Variants in FAM193A observed in about 807,000 individuals in gnomAD.
FAM193A encodes the protein family with sequence similarity 193 member A, also known as protein FAM193A.
A neutral mutation model predicts 126.5 loss-of-function variants in FAM193A; 22 were observed. That is an observed-to-expected ratio of 0.17 (90% CI 0.12 to 0.25). The LOEUF (loss-of-function observed/expected upper bound fraction) is 0.25, where lower values mean the gene tolerates loss of function less well. Among genes scored for constraint, FAM193A ranks in the 10% least tolerant of loss-of-function variants. The probability of loss-of-function intolerance (pLI) is 1.00; values close to 1 mark genes in which losing one functional copy is unlikely to be tolerated. For synonymous variants in FAM193A, 761 were observed against 646.8 expected, an observed-to-expected ratio of 1.18 and a Z score of -2.68; for missense variants, 1,675 against 1,672.8, an observed-to-expected ratio of 1.00 and a Z score of -0.02.
chr4:2,706,558 AGT>A (rs1305287199), intron 19 of FAM193A, among the ~76,000 whole-genome samples: 1 of 152,008 alleles, frequency 6.6e-6, no homozygotes, highest in Non-Finnish European at 1.5e-5. Context: ...GGCCTCCCAA[AGT>A]CCTGGGATTA....
At chr4:2,699,446 C>CCACACACA (rs78563573) in intron 18 of FAM193A, among the ~76,000 whole-genome samples, 1 of 103,478 alleles carries the variant, frequency 9.7e-6, no homozygotes, top group African/African-American at 3.5e-5. Flanking sequence ...ACCCCCCCCC[C>CCACACACA]CACACACACA....
chr4:2,597,620 A>C (rs1050717583), intron 2 of FAM193A, among the ~76,000 whole-genome samples: 1 of 152,030 alleles, frequency 6.6e-6, no homozygotes, highest in Non-Finnish European at 1.5e-5. Context: ...CAGATGAGCC[A>C]TTCTCTCCTC....
At chr4:2,559,576 G>A (rs947562916) in intron 1 of FAM193A, among the ~76,000 whole-genome samples, 2 of 152,128 alleles carry the variant, frequency 1.3e-5, no homozygotes, top group Non-Finnish European at 2.9e-5. Flanking sequence ...GATTACAGGC[G>A]TGAGCCACTT....
At chr4:2,553,549 T>G (rs1210865382) in intron 1 of FAM193A, among the ~76,000 whole-genome samples, 1 of 151,862 alleles carries the variant, frequency 6.6e-6, no homozygotes, top group Non-Finnish European at 1.5e-5. Context: ...CCTGGCTAAT[T>G]TTTGTATTTT....
At chr4:2,662,770 A>C in intron 10 of FAM193A, 68 bp from the exon 11 acceptor site, 1 of 1,215,964 alleles carries the variant, frequency 8.2e-7, no homozygotes, top group African/African-American at 1.5e-5. Flanking sequence ...ATCTGTGCTT[A>C]GTGGCTGGTT....
chr4:2,541,474 T>C (rs1397532276), intron 1 of FAM193A, among the ~76,000 whole-genome samples: 1 of 145,964 alleles, frequency 6.9e-6, no homozygotes. Context: ...TGAGACAGAG[T>C]CTCGCTCTGT....
intron 19 of FAM193A, among the ~76,000 whole-genome samples, chr4:2,714,457 T>C (rs1719328945): frequency 1.3e-5 from 2 of 151,088 alleles, no homozygotes; most frequent in Admixed American, 6.6e-5. Context: ...TTACCAAAGG[T>C]TGACTTTCCC....
At chr4:2,538,530 G>A (rs1019988622) in intron 1 of FAM193A, among the ~76,000 whole-genome samples, 1 of 151,982 alleles carries the variant, frequency 6.6e-6, no homozygotes, top group Non-Finnish European at 1.5e-5. Context: ...TAGGGTCTTG[G>A]GCTGTAGTCC....
intron 13 of FAM193A, among the ~76,000 whole-genome samples, chr4:2,679,668 G>A (rs1327772583): frequency 2.0e-5 from 3 of 152,040 alleles, no homozygotes; most frequent in African/African-American, 7.2e-5. Flanking sequence ...GTGAGCCACC[G>A]CGCCCGACCC....
At chr4:2,724,798 C>T (rs759718950) in intron 20 of FAM193A, among the ~76,000 whole-genome samples, 1 of 152,142 alleles carries the variant, frequency 6.6e-6, no homozygotes, top group African/African-American at 2.4e-5. Flanking sequence ...AACAGAAAAG[C>T]GGGCTGAGAA....
intron 16 of FAM193A, among the ~76,000 whole-genome samples, chr4:2,694,084 G>A (rs1056355284): frequency 7.2e-5 from 11 of 152,340 alleles, no homozygotes; most frequent in East Asian, 3.9e-4. Flanking sequence ...AGCAGGGGCC[G>A]TGGGCCGCCA....
chr4:2,591,516 C>T (rs993325727), intron 1 of FAM193A, among the ~76,000 whole-genome samples: 2 of 152,218 alleles, frequency 1.3e-5, no homozygotes, highest in African/African-American at 2.4e-5. Context: ...GTCACCAGCA[C>T]GGGGCCTTTG....
At chr4:2,550,427 C>T (rs552491972) in intron 1 of FAM193A, among the ~76,000 whole-genome samples, 4 of 151,652 alleles carry the variant, frequency 2.6e-5, no homozygotes, top group East Asian at 3.9e-4. Context: ...CCCTCTTGGT[C>T]GTTTGTTTGT....
Position 2,732,239 on chromosome 4 carries a change from C to T in FAM193A, c.*371C>T, listed in dbSNP as rs1395824461. The T allele has an allele frequency of 3.2e-5, 8 of 251,706 alleles. No homozygotes were observed. The highest frequency in any genetic ancestry group is 1.6e-4 in the African/African-American group (7 of 44,706). 15.6% of individuals were successfully genotyped at this position (251,706 alleles called of 1,614,324 possible). The stretch of plus-strand genomic sequence containing the variant: ...CTGTCATGTGTCCTCACCGGGGTAT[C>T]GGCCGTCACTCAGCTCTCCTGTGCC... On this transcript the variant is annotated 3_prime_UTR_variant, in exon 21 of 21. Transcript: ENST00000637812.
chr4:2,553,464 T>G (rs1738070253), intron 1 of FAM193A, among the ~76,000 whole-genome samples: 1 of 144,356 alleles, frequency 6.9e-6, no homozygotes, highest in Non-Finnish European at 1.5e-5. Context: ...CACCGCAACC[T>G]CTGCCTCCCG....
chr4:2,597,260 C>G (rs1413417170), intron 2 of FAM193A, among the ~76,000 whole-genome samples: 2 of 152,212 alleles, frequency 1.3e-5, no homozygotes, highest in Non-Finnish European at 2.9e-5. Flanking sequence ...ATGTATTTTA[C>G]TTACTCATTT....
chr4:2,544,176 A>G (rs1019437588), intron 1 of FAM193A, among the ~76,000 whole-genome samples: 1 of 152,200 alleles, frequency 6.6e-6, no homozygotes, highest in Non-Finnish European at 1.5e-5. Context: ...AATGGTTACC[A>G]TACACGCTTT....
rs769544366 is a variant in FAM193A at position 2,659,610 on chromosome 4, G to A, written c.1442G>A (p.Arg481Lys). ...GAGAACAACTTCACAGACACCATGA[G>A]GCACATGTTATCGTCCCGGCTGAGC... ...TGENNFTDTM[R>K]HMLSSRLSMP... Residue 481 changes from arginine (R) to lysine (K), a missense_variant, in exon 9 of 21, where the codon AGG becomes AAG. This residue lies in a region of FAM193A where 1,186 missense variants were observed against 1,109.2 expected (regional missense o/e 1.07). Coordinates refer to ENST00000637812, the MANE Select transcript of FAM193A (RefSeq NM_001366318.2). 21 of 1,614,034 alleles carry A rather than the reference G, an allele frequency of 1.3e-5. No homozygotes were observed. Among genetic ancestry groups the A allele is most frequent in the Non-Finnish European group, 1.8e-5 (21 of 1,180,038 alleles).
At chr4:2,555,908 GTT>G (rs34976046) in intron 1 of FAM193A, among the ~76,000 whole-genome samples, 2 of 140,392 alleles carry the variant, frequency 1.4e-5, no homozygotes, top group Non-Finnish European at 3.1e-5. Flanking sequence ...GAGAGACACT[GTT>G]TTTTTTTTTT....
Sources: allele counts gnomAD v4.1 joint callset (sites outside exome capture counted in the v4.1 genomes callset), GRCh38; gene constraint gnomAD v4.1.1; regional missense constraint gnomAD v4.1.1; transcripts MANE v1.5; gene names NCBI Gene and HGNC (gene_info 2026-07-23, HGNC 2026-07-21).